Variants in PLBD1 observed in about 807,000 individuals in gnomAD.
The protein encoded by PLBD1 is phospholipase B domain containing 1, also known as lysosomal leucine aminopeptidase.
Under a neutral mutation model 63.0 loss-of-function variants are expected in PLBD1, and 60 were observed. The observed-to-expected ratio is 0.95, with a 90% CI of 0.77 to 1.18. The LOEUF (loss-of-function observed/expected upper bound fraction) is 1.18. Among genes scored for constraint, PLBD1 ranks in the 50% most tolerant of loss-of-function variants. PLBD1 has a pLI of 0.00. For missense variants in PLBD1, 598 were observed against 677.9 expected, an observed-to-expected ratio of 0.88 and a Z score of 1.31; for synonymous variants, 262 against 248.0, an observed-to-expected ratio of 1.06 and a Z score of -0.53.
chr12:14,528,547 T>C (rs577955431), intron 6 of PLBD1, among the ~76,000 whole-genome samples: 21 of 152,222 alleles, frequency 1.4e-4, no homozygotes, highest in African/African-American at 4.3e-4. Context: ...GGAATAAAAA[T>C]GAACACAAAA....
At position 14,536,577 on chromosome 12, in the gene PLBD1, A is replaced by G. The variant is rs754909324; in HGVS notation, c.692T>C (p.Leu231Pro). Residue 231 changes from leucine (L) to proline (P), a missense_variant, in exon 5 of 11, where the codon CTT becomes CCT. Physicochemically the swap from Leu to Pro is moderately conservative, Grantham distance 98 (BLOSUM62 -3). Transcript: ENST00000240617. ...GGAGCTGCTATGTCTTACCTTGATA[A>G]GAGCGGAGCAATGTCCCATGTCCCA... ...KRWDMGHCSALIKVLPGFENI... is the reference protein window; with the variant it reads ...KRWDMGHCSAPIKVLPGFENI... The G allele has an allele frequency of 6.2e-7, 1 of 1,613,992 alleles. No individual in the cohort carries two copies. The highest frequency in any genetic ancestry group is 1.3e-5 in the African/African-American group (1 of 74,932).
Position 14,539,090 on chromosome 12 carries a change from A to G in PLBD1, c.558+1674T>C, listed in dbSNP as rs180710355. ...ATATTAAACATTTAGTTTATTTCCAATCTCATAGGTGCAAAACAGTATCCC... is the reference window on the plus strand; with the variant it reads ...ATATTAAACATTTAGTTTATTTCCAGTCTCATAGGTGCAAAACAGTATCCC... On this transcript the variant is annotated intron_variant, in intron 4 of 10. Transcript: ENST00000240617. Among the ~76,000 whole-genome samples, 36 of 152,260 alleles carry G rather than the reference A, an allele frequency of 2.4e-4. No individual in the cohort carries two copies. In the Middle Eastern group the frequency reaches 0.01, roughly 43 times the overall value.
At chr12:14,506,044 C>A (rs1274121267) in intron 10 of PLBD1, 118 bp downstream of exon 10, 10 of 621,660 alleles carry the variant, frequency 1.6e-5, no homozygotes, top group Non-Finnish European at 2.7e-5. Flanking sequence ...AAAGCTGATT[C>A]CTGGGTTGAG....
Position 14,503,932 on chromosome 12 carries a change from G to A in PLBD1, c.1502C>T (p.Ser501Phe), listed in dbSNP as rs756551753. 6.2e-6 allele frequency: 10 copies of A among 1,607,656 alleles called. No homozygotes were observed. In the South Asian group the frequency reaches 1.1e-4, roughly 18 times the overall value. Residue 501 changes from serine to phenylalanine, a missense_variant, in exon 11 of 11, where the codon TCT becomes TTT. By Grantham distance (155) the Ser-to-Phe change is radical. Coordinates refer to ENST00000240617, the MANE Select transcript of PLBD1 (RefSeq NM_024829.6). ...DTKVADIYLA[S>F]QYTSYAISGP... Reference sequence around the variant, plus strand: ...ACTTATGGCATAGGATGTGTACTGAGATGCTAGGTAGATATCTGCCACCTG... The same window carrying A: ...ACTTATGGCATAGGATGTGTACTGAAATGCTAGGTAGATATCTGCCACCTG...
intron 1 of PLBD1, among the ~76,000 whole-genome samples, chr12:14,562,052 C>A (rs1358774626): frequency 6.6e-6 from 1 of 152,208 alleles, no homozygotes; most frequent in Non-Finnish European, 1.5e-5. Flanking sequence ...GAAATTATTA[C>A]TGCATATGCA....
At chr12:14,537,714 G>A (rs1464997623) in intron 4 of PLBD1, among the ~76,000 whole-genome samples, 1 of 151,948 alleles carries the variant, frequency 6.6e-6, no homozygotes, top group African/African-American at 2.4e-5. Flanking sequence ...TAGAGGTGGT[G>A]GGAAGACAAA....
intron 6 of PLBD1, among the ~76,000 whole-genome samples, chr12:14,532,236 A>G (rs1945471229): frequency 6.6e-6 from 1 of 152,172 alleles, no homozygotes; most frequent in Non-Finnish European, 1.5e-5. Flanking sequence ...CACCAACTGC[A>G]GCAAAAGATT....
Position 14,503,719 on chromosome 12 carries a change from A to T in PLBD1, c.*53T>A. Reference sequence around the variant, plus strand: ...ATTCTGATGGGAAAAACATAGCTAAAATAGTGCCTTTGGTATCTTATTTAC... The same window carrying T: ...ATTCTGATGGGAAAAACATAGCTAATATAGTGCCTTTGGTATCTTATTTAC... On this transcript the variant is annotated 3_prime_UTR_variant, in exon 11 of 11. Coordinates refer to ENST00000240617, the MANE Select transcript of PLBD1 (RefSeq NM_024829.6). The T allele has an allele frequency of 1.4e-6, 2 of 1,466,502 alleles. No homozygotes were observed. Among genetic ancestry groups the T allele is most frequent in the African/African-American group, 2.8e-5 (2 of 70,872 alleles). The allele number at this position is 1,466,502 out of a possible 1,614,324, so 90.8% of individuals were successfully genotyped here.
At position 14,511,613 on chromosome 12, in the gene PLBD1, C is replaced by A. The variant is rs758177456; in HGVS notation, c.943G>T (p.Val315Leu). The change falls in exon 7 of 11, where the codon GTA (valine) becomes TTA (leucine). Residue 315 changes from valine (V) to leucine (L), a missense_variant. By Grantham distance (32) the Val-to-Leu change is conservative. Coordinates refer to ENST00000240617, the MANE Select transcript of PLBD1 (RefSeq NM_024829.6). ...SVFNKTLLKQVIPETLLSWQR... is the reference protein window; with the variant it reads ...SVFNKTLLKQLIPETLLSWQR... ...CAGGACAGGAGAGTCTCGGGTATTA[C>A]CTGCTTTAGCAGGGTTTTATTAAAC... 2 of 1,614,206 alleles carry A rather than the reference C, an allele frequency of 1.2e-6. No individual in the cohort carries two copies.
In PLBD1 at chr12:14,506,271, A is replaced by T; in HGVS notation, c.1373-3T>A. The T allele has an allele frequency of 1.3e-6, 2 of 1,585,526 alleles. No individual in the cohort carries two copies. Among genetic ancestry groups the T allele is most frequent in the Non-Finnish European group, 1.7e-6 (2 of 1,156,002 alleles). On this transcript the variant is annotated splice_region_variant and splice_polypyrimidine_tract_variant and intron_variant, in intron 9 of 10. Transcript: ENST00000240617. ...ACTGTAAGGATCCTTCTTATAATCT[A>T]GGAAACAGAAATGGGGAAGAGAGTG...
At chr12:14,516,839 G>C (rs1398413669) in intron 6 of PLBD1, among the ~76,000 whole-genome samples, 4 of 152,028 alleles carry the variant, frequency 2.6e-5, no homozygotes, top group African/African-American at 9.7e-5. Flanking sequence ...AGGAGTTCGA[G>C]ATTAGCCTGG....
chr12:14,557,584 C>T (rs1433859291), intron 1 of PLBD1, among the ~76,000 whole-genome samples: 2 of 152,148 alleles, frequency 1.3e-5, no homozygotes, highest in Admixed American at 6.5e-5. Context: ...ACTGCATGCT[C>T]TCACTTATAA....
intron 5 of PLBD1, 184 bp from the exon 6 acceptor site, chr12:14,535,987 C>T (rs1199915565): frequency 1.8e-6 from 1 of 559,164 alleles, no homozygotes; most frequent in Non-Finnish European, 3.0e-6. Context: ...CAGACTCTTC[C>T]TTCTAACATT....
chr12:14,519,777 G>T (rs1945362404), intron 6 of PLBD1, among the ~76,000 whole-genome samples: 1 of 152,152 alleles, frequency 6.6e-6, no homozygotes, highest in Non-Finnish European at 1.5e-5. Flanking sequence ...CTAGAACTGT[G>T]AGAATAATTA....
rs184241589 is a variant in PLBD1, at chr12:14,537,576, A to G, written c.559-866T>C. On this transcript the variant is annotated intron_variant, in intron 4 of 10. Transcript: ENST00000240617. ...CTATAAGACTAACTGACCAGCCAGC[A>G]TTGACTTTGAAGCAATTATCAGATT... Among the ~76,000 whole-genome samples, 183 of 152,340 alleles carry G rather than the reference A, an allele frequency of 1.2e-3. 1 individual carries two copies. The highest frequency in any genetic ancestry group is 4.3e-3 in the African/African-American group (177 of 41,576).
chr12:14,536,739 A>G (rs111725530), intron 4 of PLBD1, 29 bp from the exon 5 acceptor site: 19,497 of 1,607,372 alleles, frequency 0.012, 303 homozygotes, highest in African/African-American at 0.073. Context: ...TGCACTTAAC[A>G]TCGTTTTGTG....
chr12:14,522,521 T>A (rs913362330), intron 6 of PLBD1, among the ~76,000 whole-genome samples: 2 of 152,082 alleles, frequency 1.3e-5, no homozygotes, highest in Non-Finnish European at 2.9e-5. Context: ...GAGACCAGCA[T>A]CACCCCGATT....
chr12:14,507,262 A>G, intron 8 of PLBD1, 144 bp from the exon 9 acceptor site: 1 of 654,406 alleles, frequency 1.5e-6, no homozygotes, highest in Non-Finnish European at 2.5e-6. Flanking sequence ...TACAGAAAAT[A>G]AAGCTTTGCA....
At position 14,563,278 on chromosome 12, in the gene PLBD1, G is replaced by A. The variant is rs543204352; in HGVS notation, c.115+4304C>T. On this transcript the variant is annotated intron_variant, in intron 1 of 10. Transcript: ENST00000240617. Reference sequence around the variant, plus strand: ...CTCACACCTGTAATCTCAGCACTTCGGGAGGCCAGGGCAGGCGATGCACTT... The same window carrying A: ...CTCACACCTGTAATCTCAGCACTTCAGGAGGCCAGGGCAGGCGATGCACTT... Among the ~76,000 whole-genome samples, 4 of 152,216 alleles carry A rather than the reference G, an allele frequency of 2.6e-5. No homozygotes were observed. The South Asian group carries it at 6.2e-4, about 24-fold the overall frequency.
Sources: allele counts gnomAD v4.1 joint callset (sites outside exome capture counted in the v4.1 genomes callset), GRCh38; gene constraint gnomAD v4.1.1; transcripts MANE v1.5; gene names NCBI Gene and HGNC (gene_info 2026-07-23, HGNC 2026-07-21).